Variants in WARS2 observed in about 807,000 individuals in gnomAD.
The protein encoded by WARS2 is tryptophanyl tRNA synthetase 2, mitochondrial, also known as tryptophan--tRNA ligase, mitochondrial.
WARS2 carries 28 observed loss-of-function variants against 36.5 expected under a neutral mutation model. That is an observed-to-expected ratio of 0.77 (90% CI 0.57 to 1.05). The LOEUF (loss-of-function observed/expected upper bound fraction) is 1.05, where lower values mean the gene tolerates loss of function less well. Ranked by LOEUF, WARS2 falls within the 50% of genes least tolerant of loss-of-function variation. The pLI, the probability that WARS2 is intolerant of heterozygous loss-of-function variation, is 0.00. For missense variants in WARS2, 435 were observed against 456.8 expected (o/e 0.95, Z 0.44); for synonymous variants, 174 against 178.4 (o/e 0.98, Z 0.20).
intron 1 of WARS2, among the ~76,000 whole-genome samples, chr1:119,086,547 G>C (rs1356905642): frequency 6.6e-6 from 1 of 152,144 alleles, no homozygotes; most frequent in Non-Finnish European, 1.5e-5. Flanking sequence ...GGGAGCTCTG[G>C]TGGGTCCCTG....
At chr1:119,095,182 A>G (rs994479120) in intron 1 of WARS2, among the ~76,000 whole-genome samples, 1 of 152,220 alleles carries the variant, frequency 6.6e-6, no homozygotes, top group East Asian at 1.9e-4. Context: ...ACTTAACCAG[A>G]TCACCAAATC....
intron 2 of WARS2, among the ~76,000 whole-genome samples, chr1:119,054,513 AAATAGAATTACC>A (rs1649615906): frequency 1.3e-5 from 2 of 152,160 alleles, no homozygotes; most frequent in Admixed American, 1.3e-4. Flanking sequence ...AGAAAATTAA[AAATAGAATTACC>A]ATATGATTCA....
chr1:119,112,589 G>T (rs1001487526), intron 1 of WARS2, among the ~76,000 whole-genome samples: 1 of 152,110 alleles, frequency 6.6e-6, no homozygotes, highest in African/African-American at 2.4e-5. Context: ...GAACACAGGC[G>T]TACTGCTAAC....
chr1:119,082,459 GGAATCATAGGCATC>G (rs1652272005), intron 1 of WARS2: 1 of 985,164 alleles, frequency 1.0e-6, no homozygotes, highest in Non-Finnish European at 1.2e-6. Context: ...AGTGAAGGTA[GGAATCATAGGCATC>G]ATTTTCTAGG....
intron 4 of WARS2, among the ~76,000 whole-genome samples, chr1:119,040,722 T>C (rs1024124978): frequency 1.6e-4 from 25 of 152,246 alleles, no homozygotes; most frequent in African/African-American, 5.1e-4. Flanking sequence ...CTAGTCACAG[T>C]ACTGCCTGGC....
At chr1:119,060,048 C>T (rs1227314711) in intron 2 of WARS2, among the ~76,000 whole-genome samples, 1 of 152,084 alleles carries the variant, frequency 6.6e-6, no homozygotes, top group Admixed American at 6.6e-5. Flanking sequence ...CACAAGTTTA[C>T]CTATGTAACA....
chr1:119,034,723 G>A (rs1647725475), intron 4 of WARS2, among the ~76,000 whole-genome samples: 1 of 152,168 alleles, frequency 6.6e-6, no homozygotes, highest in African/African-American at 2.4e-5. Flanking sequence ...TTTGGAGTAA[G>A]CTTCATTTTC....
chr1:119,127,772 T>TC (rs1325259838), intron 1 of WARS2, among the ~76,000 whole-genome samples: 1 of 152,166 alleles, frequency 6.6e-6, no homozygotes, highest in Non-Finnish European at 1.5e-5. Flanking sequence ...CTACATTTTT[T>TC]CCCATTTCTT....
intron 2 of WARS2, among the ~76,000 whole-genome samples, chr1:119,065,886 C>T (rs758511798): frequency 5.3e-5 from 8 of 151,984 alleles, no homozygotes; most frequent in Non-Finnish European, 8.8e-5. Context: ...TCCAATATGT[C>T]GAGACATTCC....
In WARS2 at chr1:119,033,076, C is replaced by G; in HGVS notation, c.918G>C (p.Val306=). The G allele has an allele frequency of 6.2e-7, 1 of 1,614,264 alleles. No homozygotes were observed. The highest frequency in any genetic ancestry group is 8.5e-7 in the Non-Finnish European group (1 of 1,180,058). ...GMNTARYKLA[V]ADAVIEKFAP... is the part of the protein sequence containing the mutation. ...CAAACTTCTCAATCACAGCATCTGC[C>G]ACGGCCAGCTTGTAGCGAGCAGTGT... Residue 306 remains valine, a synonymous_variant, in exon 6 of 6, where the codon GTG becomes GTC. Coordinates refer to ENST00000235521, the MANE Select transcript of WARS2 (RefSeq NM_015836.4).
intron 2 of WARS2, among the ~76,000 whole-genome samples, chr1:119,048,955 C>T (rs1453456910): frequency 6.6e-6 from 1 of 152,090 alleles, no homozygotes; most frequent in East Asian, 1.9e-4. Context: ...CCCAGCTACT[C>T]GGGAGGCTGA....
At chr1:119,085,876 A>T (rs1448587588) in intron 1 of WARS2, 1 of 1,610,354 alleles carries the variant, frequency 6.2e-7, no homozygotes, top group African/African-American at 1.3e-5. Flanking sequence ...GAGTGCCAGG[A>T]CACCTTATCG....
intron 2 of WARS2, among the ~76,000 whole-genome samples, chr1:119,070,482 A>T (rs1414676942): frequency 6.6e-6 from 1 of 151,990 alleles, no homozygotes; most frequent in African/African-American, 2.4e-5. Flanking sequence ...ACCCAGGCTG[A>T]TCTGGAGCTC....
intron 1 of WARS2, among the ~76,000 whole-genome samples, chr1:119,117,729 A>T (rs920071462): frequency 9.9e-5 from 15 of 152,152 alleles, no homozygotes; most frequent in African/African-American, 3.6e-4. Flanking sequence ...GCTGGTATCC[A>T]CAGCTGGGAG....
chr1:119,100,004 T>C (rs1327294787), intron 1 of WARS2, among the ~76,000 whole-genome samples: 2 of 151,996 alleles, frequency 1.3e-5, no homozygotes, highest in East Asian at 3.8e-4. Context: ...ATCAACAGAG[T>C]GAATAGACAC....
At chr1:119,035,064 C>A (rs1476839029) in intron 4 of WARS2, among the ~76,000 whole-genome samples, 1 of 151,964 alleles carries the variant, frequency 6.6e-6, no homozygotes, top group Non-Finnish European at 1.5e-5. Context: ...GATGTGAAAC[C>A]AAAAATATCA....
At chr1:119,129,388 G>A (rs1344748188) in intron 1 of WARS2, among the ~76,000 whole-genome samples, 1 of 152,148 alleles carries the variant, frequency 6.6e-6, no homozygotes, top group East Asian at 1.9e-4. Flanking sequence ...GTTAGACATA[G>A]ATTTACCAGA....
chr1:119,082,019 G>T (rs1652230672), intron 1 of WARS2, among the ~76,000 whole-genome samples: 1 of 151,946 alleles, frequency 6.6e-6, no homozygotes, highest in Non-Finnish European at 1.5e-5. Context: ...CTCAGACCTA[G>T]GAATCAATAG....
At position 119,042,344 on chromosome 1, in the gene WARS2, CTT is replaced by C; in HGVS notation, c.433_434del (p.Lys145AspfsTer77). On this transcript the variant is annotated frameshift_variant, in exon 4 of 6. Transcript: ENST00000235521. LOFTEE classifies it high-confidence loss of function. The part of the protein sequence containing the change: ...RLQHLHQWKA[K>X]TTKQKHDGTV... ...TGCCATCGTGCTTCTGCTTGGTAGT[CTT>C]TGCCTGTGAGAGGTGAAAAGAGAGG... is the stretch of plus-strand genomic sequence containing the variant. 6.2e-7 allele frequency: 1 copy of C among 1,613,664 alleles called. No homozygotes were observed. The highest frequency in any genetic ancestry group is 1.1e-5 in the South Asian group (1 of 91,046).
Sources: gnomAD v4.1 joint callset for allele counts (sites outside exome capture counted in the v4.1 genomes callset) on GRCh38, gnomAD v4.1.1 for gene constraint, MANE v1.5 for transcripts, NCBI Gene and HGNC (gene_info 2026-07-23, HGNC 2026-07-21) for gene names.